ARHGEF11: variants seen among roughly 807,000 people sequenced by gnomAD.
ARHGEF11 encodes the protein Rho guanine nucleotide exchange factor 11, also known as Rho guanine exchange factor (GEF) 11.
A neutral mutation model predicts 193.7 loss-of-function variants in ARHGEF11; 55 were observed. The ratio of observed to expected loss-of-function variants is 0.28; its 90% CI spans 0.23 to 0.36. ARHGEF11 has a LOEUF of 0.36. Among genes scored for constraint, ARHGEF11 ranks in the 10% least tolerant of loss-of-function variants. The probability of loss-of-function intolerance (pLI) is 1.00; values close to 1 mark genes in which losing one functional copy is unlikely to be tolerated. For missense variants in ARHGEF11, 1,723 were observed against 2,005.6 expected (o/e 0.86, Z 2.69); for synonymous variants, 693 against 768.0 (o/e 0.90, Z 1.62).
chr1:156,979,145 G>T, intron 5 of ARHGEF11, 84 bp downstream of exon 5: 1 of 1,311,064 alleles, frequency 7.6e-7, no homozygotes, highest in Non-Finnish European at 1.1e-6. Context: ...CTCCTGGAAT[G>T]CCAGGCCTGA....
chr1:156,967,076 C>A (rs559553222), intron 11 of ARHGEF11, among the ~76,000 whole-genome samples: 1 of 152,186 alleles, frequency 6.6e-6, no homozygotes, highest in Non-Finnish European at 1.5e-5. Context: ...TTCTTCTACA[C>A]TGTCTTATAT....
chr1:157,040,205 AG>A (rs1324238865), intron 1 of ARHGEF11, among the ~76,000 whole-genome samples: 2 of 152,316 alleles, frequency 1.3e-5, no homozygotes, highest in East Asian at 3.9e-4. Context: ...GATGGGAACA[AG>A]GGTACATTTT....
At chr1:157,044,200 C>A in intron 1 of ARHGEF11, 99 bp downstream of exon 1, 1 of 1,175,208 alleles carries the variant, frequency 8.5e-7, no homozygotes, top group Non-Finnish European at 1.3e-6. Context: ...CCATAGCCCA[C>A]CCAGACCCCT....
chr1:156,936,489 A>ATATATATATATATATAT (rs1235714151), intron 40 of ARHGEF11, among the ~76,000 whole-genome samples: 2 of 77,140 alleles, frequency 2.6e-5, no homozygotes, highest in African/African-American at 1.2e-4. Flanking sequence ...AGAAAAAAAA[A>ATATATATATATATATAT]AAAAAAAAAT....
intron 1 of ARHGEF11, among the ~76,000 whole-genome samples, chr1:157,026,614 T>C (rs928230876): frequency 2.0e-5 from 3 of 152,188 alleles, no homozygotes; most frequent in Non-Finnish European, 4.4e-5. Context: ...GCCAGAGGCC[T>C]TCCTCAAGCA....
chr1:157,042,627 C>T (rs942061797), intron 1 of ARHGEF11, among the ~76,000 whole-genome samples: 12 of 152,142 alleles, frequency 7.9e-5, no homozygotes, highest in Admixed American at 2.6e-4. Context: ...ATATGTTCTA[C>T]GAAAGCACTT....
intron 1 of ARHGEF11, among the ~76,000 whole-genome samples, chr1:157,033,615 C>T (rs948811469): frequency 1.3e-5 from 2 of 152,154 alleles, no homozygotes; most frequent in African/African-American, 4.8e-5. Context: ...AGTCCAAAAC[C>T]TCTAAGAGCA....
chr1:156,979,165 C>T, intron 5 of ARHGEF11, 64 bp downstream of exon 5: 11 of 951,830 alleles, frequency 1.2e-5, no homozygotes, highest in Non-Finnish European at 1.6e-5. Context: ...ACCTTTCCTC[C>T]CTCCTTTCCT....
intron 1 of ARHGEF11, among the ~76,000 whole-genome samples, chr1:157,026,565 A>G (rs957115857): frequency 6.6e-6 from 1 of 152,214 alleles, no homozygotes; most frequent in Non-Finnish European, 1.5e-5. Context: ...AACAAAGACT[A>G]GAAGGTAGAA....
chr1:157,023,765 C>CA (rs34617659), intron 1 of ARHGEF11, among the ~76,000 whole-genome samples: 72,023 of 124,264 alleles, frequency 0.58, 19,726 homozygotes, highest in Middle Eastern at 0.71. Flanking sequence ...GACTCCATCT[C>CA]AAAAAAAAAA....
chr1:156,976,997 C>T lies in ARHGEF11; in HGVS notation c.568G>A (p.Glu190Lys). ...QILRNMLRQE[E>K]KELQRICEVY... is the part of the protein sequence containing the mutation. Reference sequence around the variant, plus strand: ...AGTGACCTTACCTGTAATTCTTTTTCTTCCTGCCTCAGCATATTCCTGAGG... The same window carrying T: ...AGTGACCTTACCTGTAATTCTTTTTTTTCCTGCCTCAGCATATTCCTGAGG... Residue 190 changes from glutamate (E) to lysine (K), a missense_variant, in exon 7 of 41, where the codon GAA (glutamate) becomes AAA (lysine). Around this residue, in one of 5 missense-constraint regions of ARHGEF11, gnomAD observed 646 missense variants for 710.7 expected, o/e 0.91. Coordinates refer to ENST00000368194, the MANE Select transcript of ARHGEF11 (RefSeq NM_198236.3). 4.3e-6 allele frequency: 7 copies of T among 1,614,088 alleles called. No individual in the cohort carries two copies. Among genetic ancestry groups the T allele is most frequent in the Non-Finnish European group, 5.9e-6 (7 of 1,179,962 alleles).
intron 1 of ARHGEF11, among the ~76,000 whole-genome samples, chr1:157,023,752 C>T (rs941598704): frequency 5.0e-5 from 7 of 139,204 alleles, no homozygotes; most frequent in East Asian, 2.0e-4. Context: ...GGCAACAGAG[C>T]GAGACTCCAT....
At chr1:157,020,543 A>G (rs1557965425) in intron 1 of ARHGEF11, among the ~76,000 whole-genome samples, 1 of 152,224 alleles carries the variant, frequency 6.6e-6, no homozygotes, top group Non-Finnish European at 1.5e-5. Flanking sequence ...ATGTACATAC[A>G]GTCTTGCATT....
At chr1:156,996,806 C>T (rs1314094542) in intron 1 of ARHGEF11, among the ~76,000 whole-genome samples, 1 of 145,638 alleles carries the variant, frequency 6.9e-6, no homozygotes, top group Admixed American at 6.8e-5. Context: ...ACAAGGGTCT[C>T]CATCCTGATT....
At chr1:156,959,936 C>CAAAAAAAAAA (rs1660570928) in intron 15 of ARHGEF11, among the ~76,000 whole-genome samples, 1 of 106,684 alleles carries the variant, frequency 9.4e-6, no homozygotes, top group Non-Finnish European at 2.0e-5. Flanking sequence ...CCCCCCTCCC[C>CAAAAAAAAAA]CCCCCCCAAA....
In ARHGEF11 at chr1:156,937,015, T is replaced by A; in HGVS notation, c.4441-10A>T. On this transcript the variant is annotated splice_polypyrimidine_tract_variant and intron_variant, in intron 39 of 40. Transcript: ENST00000368194. ...GGGCCAGCTCCATATCCTGGAAGAG[T>A]CGGCGGGGGAATGTCTGCTCGAGTC... is the stretch of plus-strand genomic sequence containing the variant. 1 of 1,609,570 alleles carries A rather than the reference T, an allele frequency of 6.2e-7. No individual in the cohort carries two copies. The highest frequency in any genetic ancestry group is 2.2e-5 in the East Asian group (1 of 44,686).
chr1:156,937,879 G>C (rs1183314595), intron 38 of ARHGEF11, among the ~76,000 whole-genome samples: 1 of 152,186 alleles, frequency 6.6e-6, no homozygotes, highest in Non-Finnish European at 1.5e-5. Flanking sequence ...CCTGACTCCA[G>C]CTCTGGATGA....
At chr1:156,991,651 A>G (rs1665720569) in intron 1 of ARHGEF11, among the ~76,000 whole-genome samples, 1 of 139,604 alleles carries the variant, frequency 7.2e-6, no homozygotes, top group African/African-American at 2.7e-5. Context: ...AATTTGAGAT[A>G]TATTTATGTT....
In ARHGEF11 at chr1:156,969,195, A is replaced by T. The variant is rs540334372; in HGVS notation, c.825+87T>A. 2.5e-5 allele frequency: 27 copies of T among 1,068,306 alleles called. No individual in the cohort carries two copies. In the African/African-American group the frequency reaches 3.2e-4, roughly 12 times the overall value. 66.2% of individuals were successfully genotyped at this position (1,068,306 alleles called of 1,614,324 possible). ...GATGGAAGAGGCACACAGAGGCCTC[A>T]GTGCAGCTGGTAGGCAGCAGAACTT... On this transcript the variant is annotated intron_variant, in intron 10 of 40. Transcript: ENST00000368194.
Sources: allele counts gnomAD v4.1 joint callset (sites outside exome capture counted in the v4.1 genomes callset), GRCh38; gene constraint gnomAD v4.1.1; regional missense constraint gnomAD v4.1.1; transcripts MANE v1.5; gene names NCBI Gene and HGNC (gene_info 2026-07-23, HGNC 2026-07-21).